The following B3GALNT2 variants were observed in gnomAD, a reference collection of about 807,000 sequenced individuals.
B3GALNT2 encodes beta-1,3-N-acetylgalactosaminyltransferase 2.
A neutral mutation model predicts 61.1 loss-of-function variants in B3GALNT2; 53 were observed. The observed-to-expected ratio is 0.87, with a 90% CI of 0.70 to 1.09. The LOEUF is 1.09. B3GALNT2 is among the 50% of genes least tolerant of loss of function. The pLI, the probability that B3GALNT2 is intolerant of heterozygous loss-of-function variation, is 0.00. For synonymous variants in B3GALNT2, 223 were observed against 237.4 expected (o/e 0.94, Z 0.56); for missense variants, 544 against 623.0 (o/e 0.87, Z 1.35).
chr1:235,498,685 A>G (rs993829702), intron 1 of B3GALNT2, among the ~76,000 whole-genome samples: 1 of 151,934 alleles, frequency 6.6e-6, no homozygotes, highest in Non-Finnish European at 1.5e-5. Context: ...TATTAAAAAT[A>G]CAACAAAAAT....
Position 235,484,304 on chromosome 1 carries a change from G to C in B3GALNT2, c.555+18C>G, listed in dbSNP as rs1458694828. On this transcript the variant is annotated intron_variant, in intron 4 of 11. Transcript: ENST00000366600. ...GAAAAAGAAAAAAGAGAAAAAACCT[G>C]TACAGAGCAGTGCATACCTCTTGTT... 12 of 1,594,180 alleles carry C rather than the reference G, an allele frequency of 7.5e-6. No homozygotes were observed. The highest frequency in any genetic ancestry group is 1.0e-5 in the Non-Finnish European group (12 of 1,171,758).
At chr1:235,458,808 T>C (rs756244040) in intron 7 of B3GALNT2, 22 bp from the exon 8 acceptor site, 18 of 1,553,270 alleles carry the variant, frequency 1.2e-5, no homozygotes, top group East Asian at 4.6e-5. Context: ...AAGTTGAGAG[T>C]TGGAGAAAAA....
At chr1:235,455,244 C>G (rs1049355973) in intron 9 of B3GALNT2, among the ~76,000 whole-genome samples, 1 of 152,098 alleles carries the variant, frequency 6.6e-6, no homozygotes, top group African/African-American at 2.4e-5. Flanking sequence ...GCCTCAGCCT[C>G]TCAAGTAGCT....
chr1:235,494,915 G>T, intron 1 of B3GALNT2, 87 bp from the exon 2 acceptor site: 2 of 1,240,098 alleles, frequency 1.6e-6, no homozygotes, highest in South Asian at 1.6e-5. Flanking sequence ...TACAAAATAA[G>T]CTTATGTTTG....
chr1:235,454,197 T>C lies in B3GALNT2; in HGVS notation c.1270A>G (p.Lys424Glu). The stretch of plus-strand genomic sequence containing the variant: ...CTCCCCGAGTTGCTTGCCAGCCACT[T>C]GACGATGTCCTTGGAGATCACATAT... ...SGYVISKDIV[K>E]WLASNSGRLK... The change falls in exon 10 of 12, where the codon AAG (lysine) becomes GAG (glutamate). Residue 424 changes from lysine to glutamate, a missense_variant. Physicochemically the swap from Lys to Glu is moderately conservative, Grantham distance 56. Transcript: ENST00000366600. The C allele has an allele frequency of 1.9e-6, 3 of 1,612,734 alleles. No individual in the cohort carries two copies. The highest frequency in any genetic ancestry group is 2.5e-6 in the Non-Finnish European group (3 of 1,179,404).
At chr1:235,490,546 T>C (rs1489185903) in intron 2 of B3GALNT2, among the ~76,000 whole-genome samples, 1 of 152,124 alleles carries the variant, frequency 6.6e-6, no homozygotes, top group South Asian at 2.1e-4. Flanking sequence ...TTAGTAACTC[T>C]AGTTTAGACC....
rs753576330 is a variant in B3GALNT2, at chr1:235,504,282, C to T, written c.-30G>A. On this transcript the variant is annotated 5_prime_UTR_variant, in exon 1 of 12. Transcript: ENST00000366600. ...CGCCCCCGCCGCGAGCCGGGCTCTC[C>T]CGCGTCCCGGCGGAGAGGGAGGGGA... The T allele has an allele frequency of 5.1e-5, 76 of 1,483,896 alleles. 1 individual carries two copies. Among genetic ancestry groups the T allele is most frequent in the Admixed American group, 4.1e-4 (19 of 45,976 alleles). 91.9% of individuals were successfully genotyped at this position (1,483,896 alleles called of 1,614,324 possible).
chr1:235,440,213 A>T, the B3GALNT2 span, among the ~76,000 whole-genome samples: 13 of 151,860 alleles, frequency 8.6e-5, no homozygotes, highest in African/African-American at 2.9e-4. Context: ...CTTGTGATCC[A>T]CCCACCTTGG....
At chr1:235,476,658 T>C (rs563602196) in intron 5 of B3GALNT2, among the ~76,000 whole-genome samples, 13 of 152,162 alleles carry the variant, frequency 8.5e-5, no homozygotes, top group African/African-American at 3.1e-4. Flanking sequence ...GAGACCAGCC[T>C]GGCCAACATG....
At chr1:235,470,251 C>A (rs1422415962) in intron 6 of B3GALNT2, among the ~76,000 whole-genome samples, 1 of 152,070 alleles carries the variant, frequency 6.6e-6, no homozygotes, top group Non-Finnish European at 1.5e-5. Context: ...AGTAAATACT[C>A]TGAATACTAC....
intron 1 of B3GALNT2, among the ~76,000 whole-genome samples, chr1:235,497,602 G>C (rs1685387313): frequency 6.6e-6 from 1 of 152,192 alleles, no homozygotes; most frequent in Non-Finnish European, 1.5e-5. Context: ...CCTTATTTTT[G>C]ATGGCTAATC....
At chr1:235,487,570 T>TA (rs1415586338) in intron 3 of B3GALNT2, among the ~76,000 whole-genome samples, 1 of 152,176 alleles carries the variant, frequency 6.6e-6, no homozygotes, top group Non-Finnish European at 1.5e-5. Flanking sequence ...AGACTGCTTA[T>TA]AAAAGTGAGG....
At chr1:235,465,557 A>G in intron 7 of B3GALNT2, 79 bp downstream of exon 7, 3 of 1,552,030 alleles carry the variant, frequency 1.9e-6, no homozygotes, top group Non-Finnish European at 2.6e-6. Flanking sequence ...ACAAAAAAGA[A>G]AAAATCCTTT....
At chr1:235,496,206 G>A (rs1266861377) in intron 1 of B3GALNT2, 4 of 197,128 alleles carry the variant, frequency 2.0e-5, no homozygotes, top group Admixed American at 1.2e-4. Flanking sequence ...AGCTACTTGG[G>A]AGGCTGAGGC....
chr1:235,474,999 T>G (rs1343386108), intron 5 of B3GALNT2, among the ~76,000 whole-genome samples: 1 of 101,056 alleles, frequency 9.9e-6, no homozygotes, highest in African/African-American at 3.7e-5. Flanking sequence ...TTTTTTTTTT[T>G]TTTTTTTTTT....
Position 235,503,724 on chromosome 1 carries a change from CGAGA to C in B3GALNT2, c.112+413_112+416del, listed in dbSNP as rs1193362433. On this transcript the variant is annotated intron_variant, in intron 1 of 11. Coordinates refer to ENST00000366600, the MANE Select transcript of B3GALNT2 (RefSeq NM_152490.5). ...ACGGCACTAAAACCCCAGTCTTGAC[CGAGA>C]AAGACCAACAACTTGGGGGGGAAGA... Among the ~76,000 whole-genome samples the C allele has an allele frequency of 1.1e-4, 17 of 151,238 alleles. No individual in the cohort carries two copies. In the East Asian group the frequency reaches 3.4e-3, roughly 30 times the overall value.
At chr1:235,455,894 G>T (rs1320835200) in intron 8 of B3GALNT2, among the ~76,000 whole-genome samples, 1 of 152,146 alleles carries the variant, frequency 6.6e-6, no homozygotes, top group Non-Finnish European at 1.5e-5. Context: ...ACACAGAGAA[G>T]TACTAACCTG....
intron 5 of B3GALNT2, among the ~76,000 whole-genome samples, chr1:235,477,739 G>A (rs920752698): frequency 2.6e-5 from 4 of 152,184 alleles, no homozygotes; most frequent in African/African-American, 9.6e-5. Context: ...TCTATACACT[G>A]CTCTGTGCGC....
chr1:235,484,005 C>T (rs1478889888), intron 4 of B3GALNT2, among the ~76,000 whole-genome samples: 1 of 152,132 alleles, frequency 6.6e-6, no homozygotes, highest in African/African-American at 2.4e-5. Flanking sequence ...CTCACTTATC[C>T]TAAGAATCCT....
Sources: gnomAD v4.1 joint callset for allele counts (sites outside exome capture counted in the v4.1 genomes callset) on GRCh38, gnomAD v4.1.1 for gene constraint, MANE v1.5 for transcripts, NCBI Gene and HGNC (gene_info 2026-07-23, HGNC 2026-07-21) for gene names.